Variants in ZNF592 observed in about 807,000 individuals in gnomAD.
ZNF592 encodes zinc finger protein 592.
ZNF592 carries 11 observed loss-of-function variants against 80.3 expected under a neutral mutation model. The ratio of observed to expected loss-of-function variants is 0.14; its 90% CI spans 0.09 to 0.23. The LOEUF is 0.23. ZNF592 is among the 10% of genes least tolerant of loss of function. The pLI, the probability that ZNF592 is intolerant of heterozygous loss-of-function variation, is 1.00. For synonymous variants in ZNF592, 646 were observed against 640.3 expected (o/e 1.01, Z -0.13); for missense variants, 1,420 against 1,633.9 (o/e 0.87, Z 2.26).
intron 4 of ZNF592, among the ~76,000 whole-genome samples, chr15:84,790,417 G>A (rs992198340): frequency 1.3e-5 from 2 of 152,132 alleles, no homozygotes; most frequent in African/African-American, 2.4e-5. Flanking sequence ...CTGGTCCTCT[G>A]CTAAGCCACA....
intron 1 of ZNF592, among the ~76,000 whole-genome samples, chr15:84,758,458 A>AT (rs985111334): frequency 3.3e-5 from 5 of 149,616 alleles, no homozygotes; most frequent in African/African-American, 1.2e-4. Context: ...ATTTTTTTGT[A>AT]TTTTTTTGTA....
chr15:84,788,458 T>C (rs1295798072), intron 4 of ZNF592, among the ~76,000 whole-genome samples: 7 of 152,188 alleles, frequency 4.6e-5, no homozygotes, highest in Admixed American at 4.6e-4. Context: ...CGTTGGAAAA[T>C]GGGATAATTT....
intron 1 of ZNF592, among the ~76,000 whole-genome samples, chr15:84,758,115 G>A (rs1899234013): frequency 6.6e-6 from 1 of 151,966 alleles, no homozygotes; most frequent in South Asian, 2.1e-4. Flanking sequence ...TGGGACTACA[G>A]GCGCCTGCCA....
chr15:84,760,376 A>T (rs1156496396), intron 1 of ZNF592, among the ~76,000 whole-genome samples: 1 of 152,134 alleles, frequency 6.6e-6, no homozygotes, highest in Non-Finnish European at 1.5e-5. Flanking sequence ...CTCTCACTTC[A>T]GAACTGAGAA....
At chr15:84,766,060 C>T (rs1899509872) in intron 2 of ZNF592, among the ~76,000 whole-genome samples, 1 of 150,848 alleles carries the variant, frequency 6.6e-6, no homozygotes. Flanking sequence ...GTCACCCAAG[C>T]TGGAGTGCAG....
In ZNF592 at chr15:84,783,903, C is replaced by T; in HGVS notation, c.1228C>T (p.Leu410=). Residue 410 remains leucine (L), a synonymous_variant, in exon 4 of 11, where the codon CTA becomes TTA. Transcript: ENST00000560079. The surrounding 1 kb of genome is among the most constrained non-coding windows in gnomAD (Gnocchi z 5.0). ...DPSKSPVGSP[L]GSAIAEAPSE... ...AAGTAAGTCCCCTGTTGGGTCACCT[C>T]TAGGGAGCGCCATTGCAGAGGCCCC... 6.2e-7 allele frequency: 1 copy of T among 1,614,178 alleles called. No individual in the cohort carries two copies. The highest frequency in any genetic ancestry group is 8.5e-7 in the Non-Finnish European group (1 of 1,180,008).
At position 84,802,491 on chromosome 15, in the gene ZNF592, A is replaced by C. The variant is rs1596138298; in HGVS notation, c.*98A>C. On this transcript the variant is annotated 3_prime_UTR_variant, in exon 11 of 11. Transcript: ENST00000560079. Reference sequence around the variant, plus strand: ...AATAAAAGGCTCTGCCCCCAGTGTGAGTGTGACCGGTTGTACCCTGGAGTA... The same window carrying C: ...AATAAAAGGCTCTGCCCCCAGTGTGCGTGTGACCGGTTGTACCCTGGAGTA... The C allele has an allele frequency of 7.0e-7, 1 of 1,423,508 alleles. No homozygotes were observed. The highest frequency in any genetic ancestry group is 2.4e-5 in the East Asian group (1 of 40,846). 88.2% of individuals were successfully genotyped at this position (1,423,508 alleles called of 1,614,324 possible). A position where few individuals can be genotyped will look rare whatever the true frequency, so the allele number is the denominator to read the frequency against.
intron 1 of ZNF592, among the ~76,000 whole-genome samples, chr15:84,749,839 G>A (rs1898961300): frequency 6.6e-6 from 1 of 152,178 alleles, no homozygotes; most frequent in Non-Finnish European, 1.5e-5. Context: ...GTGCTAGTGC[G>A]TCCATTTTGA....
intron 1 of ZNF592, among the ~76,000 whole-genome samples, chr15:84,750,082 G>C (rs1272686400): frequency 6.6e-6 from 1 of 152,202 alleles, no homozygotes; most frequent in Admixed American, 6.5e-5. Flanking sequence ...CGGGTGGATC[G>C]CCTGAGATCA....
At chr15:84,785,546 A>G (rs574061779) in intron 4 of ZNF592, among the ~76,000 whole-genome samples, 2 of 152,266 alleles carry the variant, frequency 1.3e-5, no homozygotes, top group East Asian at 1.9e-4. Flanking sequence ...TCCTGGCTTC[A>G]AGTGATCTGC....
At chr15:84,759,437 C>T (rs1899276806) in intron 1 of ZNF592, among the ~76,000 whole-genome samples, 1 of 152,058 alleles carries the variant, frequency 6.6e-6, no homozygotes, top group African/African-American at 2.4e-5. Context: ...ACTTGTCTCC[C>T]CTTGACGCTG....
intron 1 of ZNF592, among the ~76,000 whole-genome samples, 164 bp downstream of exon 1, chr15:84,748,828 C>T (rs1406118036): frequency 1.4e-5 from 2 of 147,188 alleles, no homozygotes; most frequent in Non-Finnish European, 3.0e-5. Flanking sequence ...GCCACTTCCC[C>T]CGACCGCCGC....
rs1596138412 is a variant in ZNF592 at position 84,802,661 on chromosome 15, C to G, written c.*268C>G. ...TGCCCCATCTCTTGTCTGTGTCCTTCCAACCCCAAGCTGCTTATGTGGCCC... is the reference window on the plus strand; with the variant it reads ...TGCCCCATCTCTTGTCTGTGTCCTTGCAACCCCAAGCTGCTTATGTGGCCC... On this transcript the variant is annotated 3_prime_UTR_variant, in exon 11 of 11. Transcript: ENST00000560079. The G allele has an allele frequency of 3.8e-6, 2 of 528,096 alleles. No individual in the cohort carries two copies. Among genetic ancestry groups the G allele is most frequent in the East Asian group, 6.8e-5 (2 of 29,382 alleles). The allele number at this position is 528,096 out of a possible 1,614,324, so 32.7% of individuals were successfully genotyped here.
At chr15:84,759,659 GAATT>G (rs1192075615) in intron 1 of ZNF592, among the ~76,000 whole-genome samples, 1 of 152,124 alleles carries the variant, frequency 6.6e-6, no homozygotes, top group Admixed American at 6.6e-5. Flanking sequence ...TAATTACCAG[GAATT>G]AATTAAGTCA....
At chr15:84,771,214 C>T (rs1460560368) in intron 2 of ZNF592, among the ~76,000 whole-genome samples, 1 of 152,138 alleles carries the variant, frequency 6.6e-6, no homozygotes, top group African/African-American at 2.4e-5. Flanking sequence ...ATGATTCCAG[C>T]CCCCTGTGAG....
chr15:84,801,839 T>C, intron 10 of ZNF592, 24 bp from the exon 11 acceptor site: 1 of 1,613,960 alleles, frequency 6.2e-7, no homozygotes, highest in Non-Finnish European at 8.5e-7. Context: ...GCCTGGACTT[T>C]GCTCATGCTG....
chr15:84,762,244 A>G (rs1186883494), intron 1 of ZNF592, among the ~76,000 whole-genome samples: 2 of 152,230 alleles, frequency 1.3e-5, no homozygotes, highest in Middle Eastern at 3.2e-3. Flanking sequence ...AATAAGTAAG[A>G]TAAAATATAA....
intron 2 of ZNF592, among the ~76,000 whole-genome samples, chr15:84,766,482 GCTGGCTTCC>G (rs1899524184): frequency 6.6e-6 from 1 of 152,112 alleles, no homozygotes. Flanking sequence ...CTTGCTGAAG[GCTGGCTTCC>G]CTCAGGTCTG....
chr15:84,799,709 C>T lies in ZNF592; in HGVS notation c.3138-133C>T, dbSNP rs1963036002. On this transcript the variant is annotated intron_variant, in intron 9 of 10. Transcript: ENST00000560079. This position sits in a 1 kb window ranked among gnomAD's most constrained non-coding sequence, Gnocchi z 4.2. ...ACCTTGGCTGGCCTGCTGGCTGGAT[C>T]TCTCTGGGGTTCCCAGCACTAGCCA... The T allele has an allele frequency of 4.3e-6, 6 of 1,382,962 alleles. No individual in the cohort carries two copies. The South Asian group carries it at 5.8e-5, about 13-fold the overall frequency. 85.7% of individuals were successfully genotyped at this position (1,382,962 alleles called of 1,614,324 possible).
Sources: allele counts gnomAD v4.1 joint callset (sites outside exome capture counted in the v4.1 genomes callset), GRCh38; gene constraint gnomAD v4.1.1; non-coding constraint Gnocchi (gnomAD v3.1); transcripts MANE v1.5; gene names NCBI Gene and HGNC (gene_info 2026-07-23, HGNC 2026-07-21).